The following CYP26B1 variants were observed in gnomAD, a reference collection of about 807,000 sequenced individuals.
The protein encoded by CYP26B1 is cytochrome P450 family 26 subfamily B member 1, also known as cytochrome P450 26B1.
In CYP26B1, 8 loss-of-function variants were observed where a neutral mutation model predicts 39.1. The observed-to-expected ratio is 0.20, with a 90% CI of 0.12 to 0.37. The LOEUF is 0.37. Ranked by LOEUF, CYP26B1 falls within the 10% of genes least tolerant of loss-of-function variation. The probability of loss-of-function intolerance (pLI) is 1.00; values close to 1 mark genes in which losing one functional copy is unlikely to be tolerated. For synonymous variants in CYP26B1, 321 were observed against 314.3 expected (o/e 1.02, Z -0.23); for missense variants, 615 against 707.0 (o/e 0.87, Z 1.48).
chr2:72,135,042 TGTGCCTAG>T (rs1676721146), intron 3 of CYP26B1, 94 bp downstream of exon 3: 1 of 1,601,254 alleles, frequency 6.2e-7, no homozygotes, highest in Non-Finnish European at 8.5e-7. Context: ...CCATGTGCCC[TGTGCCTAG>T]GTGCCCATCT....
In CYP26B1 at chr2:72,133,201, C is replaced by T. The variant is rs534997827; in HGVS notation, c.968G>A (p.Arg323Gln). ...GATGCCATGAGCCCGCAGCTCATCC[C>T]GCAGCTTCTCCAGCACAGTGGGGTG... is the stretch of plus-strand genomic sequence containing the variant. ...LKHPTVLEKLRDELRAHGILH... is the reference protein window; with the variant it reads ...LKHPTVLEKLQDELRAHGILH... The change falls in exon 5 of 6, where the codon CGG (arginine) becomes CAG (glutamine). Residue 323 changes from arginine to glutamine, a missense_variant. Physicochemically the swap from Arg to Gln is conservative, Grantham distance 43. Transcript: ENST00000001146. 2.7e-5 allele frequency: 44 copies of T among 1,611,974 alleles called. No individual in the cohort carries two copies. Among genetic ancestry groups the T allele is most frequent in the Admixed American group, 1.3e-4 (8 of 59,934 alleles).
At chr2:72,144,305 A>G (rs1243563174) in intron 1 of CYP26B1, 92 bp from the exon 2 acceptor site, 2 of 1,527,636 alleles carry the variant, frequency 1.3e-6, no homozygotes, top group South Asian at 1.3e-5. Flanking sequence ...GGGTACAGTC[A>G]CCTGCCCCCT....
intron 2 of CYP26B1, among the ~76,000 whole-genome samples, chr2:72,138,049 G>A (rs930700633): frequency 1.3e-5 from 2 of 152,192 alleles, no homozygotes; most frequent in Non-Finnish European, 1.5e-5. Context: ...CAGGCTGTCC[G>A]TGACGCTCCT....
intron 2 of CYP26B1, among the ~76,000 whole-genome samples, chr2:72,136,181 G>A (rs539299346): frequency 3.3e-5 from 5 of 152,254 alleles, no homozygotes; most frequent in East Asian, 1.9e-4. Context: ...TGTGGGTCTC[G>A]CTCATAAGCA....
chr2:72,141,020 A>T (rs772656610), intron 2 of CYP26B1, among the ~76,000 whole-genome samples: 1 of 152,184 alleles, frequency 6.6e-6, no homozygotes, highest in Non-Finnish European at 1.5e-5. Context: ...GGAGAGGCCC[A>T]ATCCTGGTGG....
At position 72,135,217 on chromosome 2, in the gene CYP26B1, A is replaced by C; in HGVS notation, c.632T>G (p.Phe211Cys). The C allele has an allele frequency of 6.2e-7, 1 of 1,614,050 alleles. No individual in the cohort carries two copies. The highest frequency in any genetic ancestry group is 8.5e-7 in the Non-Finnish European group (1 of 1,180,026). Reference sequence around the variant, plus strand: ...GTCCACAAACTGCTGGTAGACCTCAAAGAGGTGCCCAAGGTCCTCCTCAGG... The same window carrying C: ...GTCCACAAACTGCTGGTAGACCTCACAGAGGTGCCCAAGGTCCTCCTCAGG... ...SIPEEDLGHL[F>C]EVYQQFVDNV... The change falls in exon 3 of 6, where the codon TTT becomes TGT. Residue 211 changes from phenylalanine to cysteine, a missense_variant. By Grantham distance (205) the Phe-to-Cys change is radical. Transcript: ENST00000001146.
intron 2 of CYP26B1, among the ~76,000 whole-genome samples, chr2:72,136,184 C>T (rs1676769295): frequency 6.6e-6 from 1 of 152,190 alleles, no homozygotes; most frequent in Non-Finnish European, 1.5e-5. Context: ...GGGTCTCGCT[C>T]ATAAGCAGCA....
In CYP26B1 at chr2:72,147,110, C is replaced by T. The variant is rs1356661919; in HGVS notation, c.204+521G>A. On this transcript the variant is annotated intron_variant, in intron 1 of 5. Coordinates refer to ENST00000001146, the MANE Select transcript of CYP26B1 (RefSeq NM_019885.4). This position sits in a 1 kb window ranked among gnomAD's most constrained non-coding sequence, Gnocchi z 6.1. ...TCGCGCGGACCGCGGACCAGGGACACTGTACCTGGCGCTGCCGACGGCGCC... is the reference window on the plus strand; with the variant it reads ...TCGCGCGGACCGCGGACCAGGGACATTGTACCTGGCGCTGCCGACGGCGCC... 6.6e-6 allele frequency among the ~76,000 whole-genome samples: 1 copy of T among 152,226 alleles called. No individual in the cohort carries two copies. The highest frequency in any genetic ancestry group is 1.5e-5 in the Non-Finnish European group (1 of 68,032).
At chr2:72,146,213 G>T (rs2104104129) in intron 1 of CYP26B1, among the ~76,000 whole-genome samples, 1 of 152,310 alleles carries the variant, frequency 6.6e-6, no homozygotes, top group Middle Eastern at 3.4e-3. Flanking sequence ...GTGACAGACC[G>T]TGGATTCAGC....
In CYP26B1 at chr2:72,130,733, G is replaced by A. The variant is rs1466698966; in HGVS notation, c.*1494C>T. On this transcript the variant is annotated 3_prime_UTR_variant, in exon 6 of 6. Coordinates refer to ENST00000001146, the MANE Select transcript of CYP26B1 (RefSeq NM_019885.4). ...CCAACACTCAAAACGCCAGTGGCAGGAGCTACTCCTCTTTCACCCAGTCAT... is the reference window on the plus strand; with the variant it reads ...CCAACACTCAAAACGCCAGTGGCAGAAGCTACTCCTCTTTCACCCAGTCAT... 6.6e-6 allele frequency: 1 copy of A among 152,108 alleles called. No individual in the cohort carries two copies. Among genetic ancestry groups the A allele is most frequent in the Non-Finnish European group, 1.5e-5 (1 of 68,032 alleles). The allele number at this position is 152,108 out of a possible 1,614,324, so 9.4% of individuals were successfully genotyped here.
At chr2:72,146,900 A>G (rs1677137129) in intron 1 of CYP26B1, among the ~76,000 whole-genome samples, 1 of 152,144 alleles carries the variant, frequency 6.6e-6, no homozygotes, top group South Asian at 2.1e-4. Flanking sequence ...GTTGTGCGGC[A>G]TCTAACAAGC....
Position 72,132,151 on chromosome 2 carries a change from C to G in CYP26B1, c.*76G>C. 1.3e-6 allele frequency: 2 copies of G among 1,513,292 alleles called. No individual in the cohort carries two copies. The highest frequency in any genetic ancestry group is 2.8e-5 in the African/African-American group (2 of 72,578). The allele number at this position is 1,513,292 out of a possible 1,614,324, so 93.7% of individuals were successfully genotyped here. On this transcript the variant is annotated 3_prime_UTR_variant, in exon 6 of 6. Coordinates refer to ENST00000001146, the MANE Select transcript of CYP26B1 (RefSeq NM_019885.4). ...CACTCGCCCTCCCCGTTCCGGCCCCCTCCCACACACAGGTTTCTACCTCCC... is the reference window on the plus strand; with the variant it reads ...CACTCGCCCTCCCCGTTCCGGCCCCGTCCCACACACAGGTTTCTACCTCCC...
intron 2 of CYP26B1, 129 bp from the exon 3 acceptor site, chr2:72,135,548 AGCTGGGCAGG>A: frequency 7.2e-7 from 1 of 1,384,372 alleles, no homozygotes; most frequent in Non-Finnish European, 1.0e-6. Context: ...AAGCCTTGGG[AGCTGGGCAGG>A]CCAGCTGCCA....
At chr2:72,135,096 G>A (rs1676722939) in intron 3 of CYP26B1, 48 bp downstream of exon 3, 1 of 1,610,442 alleles carries the variant, frequency 6.2e-7, no homozygotes, top group Non-Finnish European at 8.5e-7. Flanking sequence ...CCAGAGAGGG[G>A]GCTCATGGAT....
At chr2:72,145,557 G>T (rs1325553713) in intron 1 of CYP26B1, among the ~76,000 whole-genome samples, 1 of 152,192 alleles carries the variant, frequency 6.6e-6, no homozygotes, top group Non-Finnish European at 1.5e-5. Flanking sequence ...GGGTGGTGAG[G>T]CGAGGGTTTC....
Position 72,144,192 on chromosome 2 carries a change from G to C in CYP26B1, c.226C>G (p.Arg76Gly). The C allele has an allele frequency of 6.3e-7, 1 of 1,596,394 alleles. No individual in the cohort carries two copies. Among genetic ancestry groups the C allele is most frequent in the Non-Finnish European group, 8.6e-7 (1 of 1,166,784 alleles). The part of the protein sequence containing the change: ...LLQGSGFQSS[R>G]REKYGNVFKT... ...AACACGTTGCCATACTTCTCCCTCC[G>C]CGACGACTGGAAGCCAGAACCCTGC... The change falls in exon 2 of 6, where the codon CGG (arginine) becomes GGG (glycine). Residue 76 changes from arginine to glycine, a missense_variant. Arg to Gly is a moderately radical substitution (Grantham distance 125). Transcript: ENST00000001146.
At chr2:72,146,120 A>G (rs2104103920) in intron 1 of CYP26B1, among the ~76,000 whole-genome samples, 1 of 152,026 alleles carries the variant, frequency 6.6e-6, no homozygotes, top group East Asian at 1.9e-4. Flanking sequence ...GCTGACCCCC[A>G]GGGGCTCTTG....
intron 5 of CYP26B1, among the ~76,000 whole-genome samples, 198 bp from the exon 6 acceptor site, chr2:72,132,817 CAT>C (rs1315609333): frequency 6.6e-6 from 1 of 152,268 alleles, no homozygotes; most frequent in Non-Finnish European, 1.5e-5. Flanking sequence ...TAGATGTGCA[CAT>C]GTGACTTCAC....
rs570748141 is a variant in CYP26B1 at position 72,147,008 on chromosome 2, C to T, written c.204+623G>A. ...ACCCAATAAGTAAATAGACCCTTTT[C>T]CCCGAAAGCCTAGAGCCCTGGATTC... On this transcript the variant is annotated intron_variant, in intron 1 of 5. Coordinates refer to ENST00000001146, the MANE Select transcript of CYP26B1 (RefSeq NM_019885.4). The surrounding 1 kb of genome is among the most constrained non-coding windows in gnomAD (Gnocchi z 6.1). 6.6e-6 allele frequency among the ~76,000 whole-genome samples: 1 copy of T among 152,314 alleles called. No homozygotes were observed. Among genetic ancestry groups the T allele is most frequent in the East Asian group, 1.9e-4 (1 of 5,170 alleles).
Sources: allele counts gnomAD v4.1 joint callset (sites outside exome capture counted in the v4.1 genomes callset), GRCh38; gene constraint gnomAD v4.1.1; non-coding constraint Gnocchi (gnomAD v3.1); transcripts MANE v1.5; gene names NCBI Gene and HGNC (gene_info 2026-07-23, HGNC 2026-07-21).